Variants in PHIP observed in about 807,000 individuals in gnomAD.
PHIP encodes the protein PHIP subunit of CUL4-Ring ligase complex.
A neutral mutation model predicts 236.8 loss-of-function variants in PHIP; 54 were observed. That is an observed-to-expected ratio of 0.23 (90% CI 0.18 to 0.29). The LOEUF (loss-of-function observed/expected upper bound fraction) is 0.29. Among genes scored for constraint, PHIP ranks in the 10% least tolerant of loss-of-function variants. The pLI is 1.00. For synonymous variants in PHIP, 756 were observed against 718.9 expected (o/e 1.05, Z -0.83); for missense variants, 1,370 against 2,190.8 (o/e 0.63, Z 7.48).
intron 35 of PHIP, among the ~76,000 whole-genome samples, chr6:78,949,122 G>GATAT (rs1420588955): frequency 2.0e-5 from 3 of 152,158 alleles, no homozygotes; most frequent in Non-Finnish European, 4.4e-5. Context: ...AGCTGTAGAT[G>GATAT]TACTTTTTAT....
At chr6:78,973,379 G>T (rs566228132) in intron 24 of PHIP, among the ~76,000 whole-genome samples, 1 of 146,372 alleles carries the variant, frequency 6.8e-6, no homozygotes, top group African/African-American at 2.5e-5. Context: ...TGAAGGAAGC[G>T]CTAAACATGG....
chr6:79,030,290 C>T (rs181548039), intron 7 of PHIP, among the ~76,000 whole-genome samples: 41 of 152,242 alleles, frequency 2.7e-4, no homozygotes, highest in African/African-American at 9.4e-4. Flanking sequence ...AATTAAAGAC[C>T]TGCTAAATTT....
Position 79,017,402 on chromosome 6 carries a change from TAAAC to T in PHIP, c.1096-20_1096-17del, listed in dbSNP as rs758219123. 25 of 1,587,596 alleles carry T rather than the reference TAAAC, an allele frequency of 1.6e-5. No individual in the cohort carries two copies. The East Asian group carries it at 2.5e-4, about 16-fold the overall frequency. ...CAACTTTGTCCTATATATAAACAAA[TAAAC>T]AAAAAAGTGGGTGCTGAATATAAAC... On this transcript the variant is annotated splice_polypyrimidine_tract_variant and intron_variant, in intron 11 of 39. Coordinates refer to ENST00000275034, the MANE Select transcript of PHIP (RefSeq NM_017934.7).
At chr6:79,056,048 A>G (rs1773052278) in intron 6 of PHIP, among the ~76,000 whole-genome samples, 2 of 152,120 alleles carry the variant, frequency 1.3e-5, no homozygotes, top group African/African-American at 4.8e-5. Flanking sequence ...ACTACTTTTC[A>G]TTTAATATTT....
rs1387523300 is a variant in PHIP, at chr6:79,059,614, TATATATATATAA to T, written c.439+852_439+863del. ...AATTATATATATATATATATATATA[TATATATATATAA>T]AAATGCCAAACAAAAGTCATATAAA... On this transcript the variant is annotated intron_variant, in intron 6 of 39. Transcript: ENST00000275034. Among the ~76,000 whole-genome samples the T allele has an allele frequency of 5.4e-3, 600 of 111,760 alleles. 6 individuals are homozygous for T. The highest frequency in any genetic ancestry group is 0.027 in the South Asian group (81 of 3,000). The allele number at this position is 111,760 out of a possible 152,430, so 73.3% of individuals were successfully genotyped here.
Position 78,988,193 on chromosome 6 carries a change from T to C in PHIP, c.2460+16A>G. On this transcript the variant is annotated intron_variant, in intron 21 of 39. Transcript: ENST00000275034. ...GTAAAAATGACATCTAATTTATGAA[T>C]GTGCTGATATCTTACATCTGAAGAA... The C allele has an allele frequency of 6.6e-7, 1 of 1,513,578 alleles. No individual in the cohort carries two copies. The highest frequency in any genetic ancestry group is 8.9e-7 in the Non-Finnish European group (1 of 1,127,076). The allele number at this position is 1,513,578 out of a possible 1,614,324, so 93.8% of individuals were successfully genotyped here. A position where few individuals can be genotyped will look rare whatever the true frequency, so the allele number is the denominator to read the frequency against.
chr6:79,077,500 G>A lies in PHIP; in HGVS notation c.137C>T (p.Pro46Leu), dbSNP rs765296682. Residue 46 changes from proline to leucine, a missense_variant, in exon 4 of 40, where the codon CCC becomes CTC. Around this residue, in one of 14 missense-constraint regions of PHIP, gnomAD observed 43 missense variants for 53.8 expected, o/e 0.80. Transcript: ENST00000275034. ...CTTCCCGGTCCAGTCGGTGCGCCGG[G>A]GCAGCAGCTGCGGGGAGAGGACACC... ...IREVAEKELL[P>L]RRTDWTGKEH... The A allele has an allele frequency of 2.6e-6, 4 of 1,552,928 alleles. No homozygotes were observed. The African/African-American group carries it at 4.3e-5, about 17-fold the overall frequency.
rs538926229 is a variant in PHIP at position 79,045,688 on chromosome 6, T to C, written c.440-2685A>G. 5.3e-5 allele frequency among the ~76,000 whole-genome samples: 8 copies of C among 152,280 alleles called. No homozygotes were observed. The South Asian group carries it at 1.0e-3, about 20-fold the overall frequency. The stretch of plus-strand genomic sequence containing the variant: ...TAAAAAGGAAATGTCTCTTGGATTA[T>C]TGGAAGTCCTTAAATTTTATTAAGC... On this transcript the variant is annotated intron_variant, in intron 6 of 39. Transcript: ENST00000275034.
chr6:78,983,767 A>G (rs1419305143), intron 22 of PHIP, among the ~76,000 whole-genome samples: 1 of 152,166 alleles, frequency 6.6e-6, no homozygotes, highest in East Asian at 1.9e-4. Flanking sequence ...TTATGCTTCA[A>G]AGCATGCCAT....
At chr6:79,003,232 T>C (rs796692852) in intron 16 of PHIP, among the ~76,000 whole-genome samples, 10 of 152,024 alleles carry the variant, frequency 6.6e-5, no homozygotes, top group African/African-American at 2.4e-4. Flanking sequence ...TAGTGAGACA[T>C]TTCACCCCTA....
intron 7 of PHIP, among the ~76,000 whole-genome samples, chr6:79,039,806 A>G (rs1772121346): frequency 6.6e-6 from 1 of 152,176 alleles, no homozygotes; most frequent in African/African-American, 2.4e-5. Context: ...TAAGGAAATG[A>G]TTTTAAAACC....
At chr6:79,019,418 T>C (rs1037257708) in intron 9 of PHIP, among the ~76,000 whole-genome samples, 3 of 152,230 alleles carry the variant, frequency 2.0e-5, no homozygotes, top group Non-Finnish European at 4.4e-5. Flanking sequence ...ACACCAGACA[T>C]GCAGTTACTA....
At chr6:78,947,598 A>G in intron 36 of PHIP, 25 bp downstream of exon 36, 1 of 1,179,524 alleles carries the variant, frequency 8.5e-7, no homozygotes, top group Non-Finnish European at 1.2e-6. Context: ...ATCTAGTCAT[A>G]AAAGAAAATA....
At chr6:79,039,392 G>A (rs1288078848) in intron 7 of PHIP, among the ~76,000 whole-genome samples, 1 of 152,098 alleles carries the variant, frequency 6.6e-6, no homozygotes, top group African/African-American at 2.4e-5. Context: ...TTACCAAGCT[G>A]TTACTTCTCT....
intron 21 of PHIP, among the ~76,000 whole-genome samples, chr6:78,986,849 A>G (rs912731997): frequency 6.6e-5 from 10 of 152,218 alleles, no homozygotes; most frequent in Admixed American, 6.5e-5. Context: ...ATATTTTATT[A>G]ACAAATTTAA....
intron 24 of PHIP, among the ~76,000 whole-genome samples, chr6:78,976,595 A>G (rs1218729724): frequency 3.5e-5 from 5 of 141,674 alleles, no homozygotes; most frequent in Admixed American, 1.4e-4. Context: ...GGCAACCTAC[A>G]AAATGGGAGA....
chr6:79,022,936 TTTGA>T (rs1242475613), intron 9 of PHIP, among the ~76,000 whole-genome samples: 1 of 152,250 alleles, frequency 6.6e-6, no homozygotes, highest in Non-Finnish European at 1.5e-5. Flanking sequence ...AATTTTTGCC[TTTGA>T]TTATTAATTA....
chr6:78,999,098 ATC>A (rs2127729549), intron 17 of PHIP, among the ~76,000 whole-genome samples: 1 of 152,290 alleles, frequency 6.6e-6, no homozygotes, highest in East Asian at 1.9e-4. Context: ...CCACATAAAG[ATC>A]TAGATAAGGA....
rs1473296266 is a variant in PHIP at position 79,035,161 on chromosome 6, C to CCACCAAA, written c.600+7675_600+7681dup. 3.9e-5 allele frequency among the ~76,000 whole-genome samples: 6 copies of CCACCAAA among 152,116 alleles called. No individual in the cohort carries two copies. In the East Asian group the frequency reaches 1.2e-3, roughly 29 times the overall value. ...GACATTCCAGACCTCCCCTTTCCTT[C>CCACCAAA]CACCAAACACCTACTAATCTCAGAA... On this transcript the variant is annotated intron_variant, in intron 7 of 39. Coordinates refer to ENST00000275034, the MANE Select transcript of PHIP (RefSeq NM_017934.7).
Sources: allele counts gnomAD v4.1 joint callset (sites outside exome capture counted in the v4.1 genomes callset), GRCh38; gene constraint gnomAD v4.1.1; regional missense constraint gnomAD v4.1.1; transcripts MANE v1.5; gene names NCBI Gene and HGNC (gene_info 2026-07-23, HGNC 2026-07-21).